Variants in CBL observed in about 807,000 individuals in gnomAD.
CBL encodes E3 ubiquitin-protein ligase CBL.
In CBL, 45 loss-of-function variants were observed where a neutral mutation model predicts 96.9. The observed-to-expected ratio is 0.46, with a 90% CI of 0.37 to 0.60. The LOEUF is 0.60. Among genes scored for constraint, CBL ranks in the 20% least tolerant of loss-of-function variants. The probability of loss-of-function intolerance (pLI) is 0.00; values close to 1 mark genes in which losing one functional copy is unlikely to be tolerated. For missense variants in CBL, 1,024 were observed against 1,143.5 expected, an observed-to-expected ratio of 0.90 and a Z score of 1.51; for synonymous variants, 420 against 426.8, an observed-to-expected ratio of 0.98 and a Z score of 0.20.
chr11:119,288,489 A>AG (rs1335085658), intron 12 of CBL, among the ~76,000 whole-genome samples: 3 of 140,838 alleles, frequency 2.1e-5, no homozygotes, highest in African/African-American at 7.7e-5. Context: ...AGAGAGAGAG[A>AG]GAGAGCACGC....
In CBL at chr11:119,307,225, A is replaced by T. The variant is rs1170248629; in HGVS notation, c.*7444A>T. On this transcript the variant is annotated 3_prime_UTR_variant, in exon 16 of 16. Transcript: ENST00000264033. ...GTTGGTTCCAATCACAAGCTTAGTT[A>T]TCAGGTTGCATGCCTTGTCTCCTGC... 1 of 232,274 alleles carries T rather than the reference A, an allele frequency of 4.3e-6. No homozygotes were observed. Among genetic ancestry groups the T allele is most frequent in the Non-Finnish European group, 8.5e-6 (1 of 117,232 alleles). 14.4% of individuals were successfully genotyped at this position (232,274 alleles called of 1,614,324 possible).
intron 2 of CBL, among the ~76,000 whole-genome samples, chr11:119,236,284 A>G (rs11217202): frequency 0.028 from 4,255 of 151,306 alleles, 226 homozygotes; most frequent in African/African-American, 0.097. Context: ...GTCTATGTGG[A>G]TTTGCCTGCT....
intron 12 of CBL, among the ~76,000 whole-genome samples, chr11:119,295,560 A>C (rs752108841): frequency 6.6e-6 from 1 of 151,386 alleles, no homozygotes; most frequent in Non-Finnish European, 1.5e-5. Flanking sequence ...TGTCTCTACA[A>C]AAAAAAAAAT....
At chr11:119,296,866 A>G (rs139255163) in intron 12 of CBL, 52 bp from the exon 13 acceptor site, 18 of 917,498 alleles carry the variant, frequency 2.0e-5, no homozygotes, top group Admixed American at 1.0e-4. Flanking sequence ...TTATACTTCA[A>G]AGTTTACTGG....
chr11:119,285,201 T>G lies in CBL; in HGVS notation c.1576T>G (p.Ser526Ala). The G allele has an allele frequency of 6.2e-7, 1 of 1,614,152 alleles. No individual in the cohort carries two copies. Among genetic ancestry groups the G allele is most frequent in the Non-Finnish European group, 8.5e-7 (1 of 1,180,038 alleles). ...LGTASKAASG[S>A]LHKDKPLPVP... ...CCTGCTTCCACAGGCTGCTTCTGGC[T>G]CCCTTCATAAAGACAAACCATTGCC... Residue 526 changes from serine (S) to alanine (A), a missense_variant, in exon 11 of 16, where the codon TCC (serine) becomes GCC (alanine). Ser to Ala is a moderately conservative substitution (Grantham distance 99). This residue lies in a region of CBL where 695 missense variants were observed against 661.6 expected (regional missense o/e 1.05). Transcript: ENST00000264033.
chr11:119,242,558 A>G (rs2135273227), intron 2 of CBL, among the ~76,000 whole-genome samples: 1 of 143,578 alleles, frequency 7.0e-6, no homozygotes, highest in East Asian at 2.1e-4. Context: ...AAAAAAAAAG[A>G]CCAGCACGGC....
chr11:119,255,062 G>A (rs1456173979), intron 2 of CBL, among the ~76,000 whole-genome samples: 1 of 152,118 alleles, frequency 6.6e-6, no homozygotes, highest in African/African-American at 2.4e-5. Context: ...ATAGGTGGAT[G>A]TACCATGAGA....
intron 1 of CBL, among the ~76,000 whole-genome samples, chr11:119,230,204 T>G (rs1249665412): frequency 6.6e-6 from 1 of 150,526 alleles, no homozygotes; most frequent in Non-Finnish European, 1.5e-5. Flanking sequence ...CAGGCTGGAG[T>G]GCAGTGGCGC....
intron 2 of CBL, 107 bp downstream of exon 2, chr11:119,232,802 A>G: frequency 1.8e-6 from 2 of 1,096,422 alleles, no homozygotes; most frequent in South Asian, 2.6e-5. Context: ...GTAGGAATGG[A>G]AAGTTGACAT....
intron 2 of CBL, among the ~76,000 whole-genome samples, chr11:119,244,750 C>T (rs1949613285): frequency 6.6e-6 from 1 of 151,864 alleles, no homozygotes; most frequent in East Asian, 1.9e-4. Context: ...GGGATTTTGC[C>T]ATATTGCCTA....
At chr11:119,276,698 G>A (rs1488338775) in intron 6 of CBL, among the ~76,000 whole-genome samples, 1 of 152,220 alleles carries the variant, frequency 6.6e-6, no homozygotes, top group African/African-American at 2.4e-5. Flanking sequence ...CCAGATGGCA[G>A]AAAACTAGCT....
chr11:119,247,183 A>G (rs1443836846), intron 2 of CBL, among the ~76,000 whole-genome samples: 1 of 152,192 alleles, frequency 6.6e-6, no homozygotes, highest in East Asian at 1.9e-4. Flanking sequence ...CTTTCAAGTA[A>G]AAATGATGTT....
In CBL at chr11:119,249,546, G is replaced by A. The variant is rs367636679; in HGVS notation, c.443+16851G>A. On this transcript the variant is annotated intron_variant, in intron 2 of 15. Coordinates refer to ENST00000264033, the MANE Select transcript of CBL (RefSeq NM_005188.4). ...CAGCGTGGGTGACAGAGTGAGACTCGGTCTCAAAAAAAAAAAAAAAATGCT... is the reference window on the plus strand; with the variant it reads ...CAGCGTGGGTGACAGAGTGAGACTCAGTCTCAAAAAAAAAAAAAAAATGCT... Among the ~76,000 whole-genome samples the A allele has an allele frequency of 1.1e-3, 116 of 106,526 alleles. 1 individual carries two copies. The highest frequency in any genetic ancestry group is 5.1e-3 in the African/African-American group (110 of 21,776). 69.9% of individuals were successfully genotyped at this position (106,526 alleles called of 152,430 possible). A position where few individuals can be genotyped will look rare whatever the true frequency, so the allele number is the denominator to read the frequency against.
chr11:119,272,452 CATT>C (rs1356012405), intron 3 of CBL, among the ~76,000 whole-genome samples: 8 of 152,204 alleles, frequency 5.3e-5, no homozygotes, highest in African/African-American at 1.2e-4. Flanking sequence ...GTACATTTCA[CATT>C]ATTTGCTATC....
intron 1 of CBL, among the ~76,000 whole-genome samples, chr11:119,228,806 C>G (rs1949479048): frequency 7.8e-6 from 1 of 127,596 alleles, no homozygotes; most frequent in African/African-American, 3.3e-5. Context: ...CCTTCTCTCT[C>G]TCTCTCTCTT....
At chr11:119,260,816 C>T (rs1949748374) in intron 2 of CBL, among the ~76,000 whole-genome samples, 2 of 152,016 alleles carry the variant, frequency 1.3e-5, no homozygotes, top group Admixed American at 1.3e-4. Context: ...TTTCATTCAC[C>T]TTCTACATTG....
In CBL at chr11:119,239,489, T is replaced by A. The variant is rs559189729; in HGVS notation, c.443+6794T>A. Among the ~76,000 whole-genome samples the A allele has an allele frequency of 7.9e-5, 12 of 152,338 alleles. No homozygotes were observed. In the East Asian group the frequency reaches 2.3e-3, roughly 29 times the overall value. ...GAACTTACTTATTGGCTCTAGTAGCTTTTTAGTAGGTTCCTTAGGCTTTCC... is the reference window on the plus strand; with the variant it reads ...GAACTTACTTATTGGCTCTAGTAGCATTTTAGTAGGTTCCTTAGGCTTTCC... On this transcript the variant is annotated intron_variant, in intron 2 of 15. Transcript: ENST00000264033.
chr11:119,292,334 A>G (rs1025035596), intron 12 of CBL, among the ~76,000 whole-genome samples: 4 of 148,712 alleles, frequency 2.7e-5, no homozygotes, highest in Non-Finnish European at 5.9e-5. Context: ...GGAATGTTAG[A>G]CCTTTTCACT....
intron 2 of CBL, among the ~76,000 whole-genome samples, chr11:119,257,065 A>C (rs1949717507): frequency 6.6e-6 from 1 of 152,094 alleles, no homozygotes; most frequent in Non-Finnish European, 1.5e-5. Flanking sequence ...ACAGTGACTT[A>C]TTTTCCTTTA....
Sources: allele counts gnomAD v4.1 joint callset (sites outside exome capture counted in the v4.1 genomes callset), GRCh38; gene constraint gnomAD v4.1.1; regional missense constraint gnomAD v4.1.1; transcripts MANE v1.5; gene names NCBI Gene and HGNC (gene_info 2026-07-23, HGNC 2026-07-21).